The following PIGA variants were observed in gnomAD, a reference collection of about 807,000 sequenced individuals.
PIGA encodes phosphatidylinositol glycan anchor biosynthesis class A, also known as phosphatidylinositol N-acetylglucosaminyltransferase subunit A.
Under a neutral mutation model 17.1 loss-of-function variants are expected in PIGA, and 3 were observed. That is an observed-to-expected ratio of 0.18 (90% confidence interval 0.08 to 0.45). The LOEUF is 0.45. PIGA is among the 20% of genes least tolerant of loss of function. PIGA has a pLI of 0.99. For synonymous variants in PIGA, 126 were observed against 135.1 expected (o/e 0.93, Z 0.47); for missense variants, 231 against 374.1 (o/e 0.62, Z 3.16).
intron 2 of PIGA, among the ~76,000 whole-genome samples, chrX:15,329,833 C>G (rs985531067): frequency 2.7e-5 from 3 of 111,595 alleles, no homozygotes; most frequent in African/African-American, 9.8e-5. Context: ...GCCTGTTAAT[C>G]CCAGCATTTT....
intron 1 of PIGA, among the ~76,000 whole-genome samples, chrX:15,334,862 G>A (rs1922285261): frequency 8.9e-6 from 1 of 112,116 alleles, no homozygotes; most frequent in Non-Finnish European, 1.9e-5. Flanking sequence ...ATGAGGCTTG[G>A]AGCTCTAGTG....
chrX:15,331,845 C>G lies in PIGA; in HGVS notation c.86G>C (p.Arg29Thr). Residue 29 changes from arginine (R) to threonine (T), a missense_variant, in exon 2 of 6, where the codon AGA becomes ACA. By Grantham distance (71) the Arg-to-Thr change is moderately conservative (BLOSUM62 -1). Around this residue, in one of 5 missense-constraint regions of PIGA, gnomAD observed 29 missense variants for 28.1 expected, o/e 1.03. Transcript: ENST00000333590. ...CATGCATATATTATGGGTACGGGTTCTACATGTGTAAAGACTTCCAGGGCT... is the reference window on the plus strand; with the variant it reads ...CATGCATATATTATGGGTACGGGTTGTACATGTGTAAAGACTTCCAGGGCT... ...RVSPGSLYTC[R>T]TRTHNICMVS... 8.3e-7 allele frequency: 1 copy of G among 1,210,207 alleles called. No individual in the cohort carries two copies. The highest frequency in any genetic ancestry group is 3.0e-5 in the East Asian group (1 of 33,801).
At position 15,321,592 on chromosome X, in the gene PIGA, C is replaced by G. The variant is rs1440750558; in HGVS notation, c.1369G>C (p.Ala457Pro). 1 of 1,204,935 alleles carries G rather than the reference C, an allele frequency of 8.3e-7. No individual in the cohort carries two copies. The highest frequency in any genetic ancestry group is 1.7e-5 in the African/African-American group (1 of 57,164). ...GTCCAGGCACCCCGTGGCCCAGTGG[C>G]ATCTATTGCAACATCAATGATAGAA... is the stretch of plus-strand genomic sequence containing the variant. ...PDSIIDVAID[A>P]TGPRGAWTNN... is the part of the protein sequence containing the mutation. The change falls in exon 6 of 6, where the codon GCC (alanine) becomes CCC (proline). Residue 457 changes from alanine (A) to proline (P), a missense_variant. By Grantham distance (27) the Ala-to-Pro change is conservative. Coordinates refer to ENST00000333590, the MANE Select transcript of PIGA (RefSeq NM_002641.4).
chrX:15,334,508 T>C (rs1174291930), intron 1 of PIGA, among the ~76,000 whole-genome samples: 1 of 110,895 alleles, frequency 9.0e-6, no homozygotes, highest in African/African-American at 3.3e-5. Flanking sequence ...ATTTTAAATA[T>C]ACTCTCGGAA....
At position 15,320,397 on chromosome X, in the gene PIGA, A is replaced by G. The variant is rs1921765996; in HGVS notation, c.*1109T>C. The G allele has an allele frequency of 8.9e-6, 1 of 112,316 alleles. No homozygotes were observed. The highest frequency in any genetic ancestry group is 1.9e-5 in the Non-Finnish European group (1 of 53,255). The allele number at this position is 112,316 out of a possible 1,213,427, so 9.3% of individuals were successfully genotyped here. A position where few individuals can be genotyped will look rare whatever the true frequency, so the allele number is the denominator to read the frequency against. ...TGACAGTTAATAACATCCACCCACAAAGACTGTTTCTAAAATTTTCAACTT... is the reference window on the plus strand; with the variant it reads ...TGACAGTTAATAACATCCACCCACAGAGACTGTTTCTAAAATTTTCAACTT... On this transcript the variant is annotated 3_prime_UTR_variant, in exon 6 of 6. Transcript: ENST00000333590.
At position 15,321,420 on chromosome X, in the gene PIGA, CA is replaced by C. The variant is rs202201866; in HGVS notation, c.*85del. ...ACTTACTAAATTAACTCTAAAAAAA[CA>C]AAAACCCCCCAAAAGCAAGGTTATT... On this transcript the variant is annotated 3_prime_UTR_variant, in exon 6 of 6. Transcript: ENST00000333590. The C allele has an allele frequency of 1.3e-3, 1,119 of 867,778 alleles. 16 individuals carry two copies. The African/African-American group carries it at 0.021, about 16-fold the overall frequency. The allele number at this position is 867,778 out of a possible 1,213,427, so 71.5% of individuals were successfully genotyped here. A position where few individuals can be genotyped will look rare whatever the true frequency, so the allele number is the denominator to read the frequency against.
In PIGA at chrX:15,321,393, T is replaced by C. The variant is rs1024326491; in HGVS notation, c.*113A>G. On this transcript the variant is annotated 3_prime_UTR_variant, in exon 6 of 6. Transcript: ENST00000333590. ...AATATTGAATGATATAGAGGTAGCATAACTTACTAAATTAACTCTAAAAAA... is the reference window on the plus strand; with the variant it reads ...AATATTGAATGATATAGAGGTAGCACAACTTACTAAATTAACTCTAAAAAA... 4.6e-5 allele frequency: 27 copies of C among 587,768 alleles called. No homozygotes were observed. The highest frequency in any genetic ancestry group is 1.4e-4 in the African/African-American group (6 of 43,514). 48.4% of individuals were successfully genotyped at this position (587,768 alleles called of 1,213,427 possible).
intron 1 of PIGA, 132 bp downstream of exon 1, chrX:15,335,369 G>T: frequency 1.7e-6 from 1 of 576,851 alleles, no homozygotes; most frequent in Non-Finnish European, 2.4e-6. Context: ...GAGACCCTCC[G>T]ACCCAACTTC....
chrX:15,333,252 C>G (rs1922220379), intron 1 of PIGA, among the ~76,000 whole-genome samples: 1 of 112,480 alleles, frequency 8.9e-6, no homozygotes, highest in Non-Finnish European at 1.9e-5. Context: ...CAATTACTCT[C>G]AAAGTTTTGC....
At position 15,331,587 on chromosome X, in the gene PIGA, T is replaced by A; in HGVS notation, c.344A>T (p.Tyr115Phe). The change falls in exon 2 of 6, where the codon TAC becomes TTC. Residue 115 changes from tyrosine (Y) to phenylalanine (F), a missense_variant. Physicochemically the swap from Tyr to Phe is conservative, Grantham distance 22 (BLOSUM62 3). This residue lies in a region of PIGA where 83 missense variants were observed against 190.1 expected (regional missense o/e 0.44). Coordinates refer to ENST00000333590, the MANE Select transcript of PIGA (RefSeq NM_002641.4). ...TLFHSLPLLRYIFVRERVTII... is the reference protein window; with the variant it reads ...TLFHSLPLLRFIFVRERVTII... ...CGTGACTCTCTCCCGAACAAATATGTACCTGAGCAATGGCAGACTGTGAAA... is the reference window on the plus strand; with the variant it reads ...CGTGACTCTCTCCCGAACAAATATGAACCTGAGCAATGGCAGACTGTGAAA... The A allele has an allele frequency of 8.3e-7, 1 of 1,211,759 alleles. No homozygotes were observed. Among genetic ancestry groups the A allele is most frequent in the East Asian group, 3.0e-5 (1 of 33,868 alleles).
Position 15,321,370 on chromosome X carries a change from T to G in PIGA, c.*136A>C. Reference sequence around the variant, plus strand: ...ATTTTTATCTTTCCTCAACAGAAAATATTGAATGATATAGAGGTAGCATAA... The same window carrying G: ...ATTTTTATCTTTCCTCAACAGAAAAGATTGAATGATATAGAGGTAGCATAA... On this transcript the variant is annotated 3_prime_UTR_variant, in exon 6 of 6. Coordinates refer to ENST00000333590, the MANE Select transcript of PIGA (RefSeq NM_002641.4). 2.1e-6 allele frequency: 1 copy of G among 487,001 alleles called. No individual in the cohort carries two copies. The highest frequency in any genetic ancestry group is 3.4e-5 in the East Asian group (1 of 29,006). 40.1% of individuals were successfully genotyped at this position (487,001 alleles called of 1,213,427 possible).
intron 2 of PIGA, chrX:15,329,063 C>T (rs1031959418): frequency 1.8e-5 from 2 of 111,950 alleles, no homozygotes; most frequent in Non-Finnish European, 3.8e-5. Context: ...CTTAAATGGA[C>T]TGCTGGGTCA....
chrX:15,334,084 C>T (rs771188329), intron 1 of PIGA, among the ~76,000 whole-genome samples: 17 of 111,066 alleles, frequency 1.5e-4, no homozygotes, highest in Non-Finnish European at 3.0e-4. Context: ...AGAAGCCATC[C>T]TAAAGCTCTG....
intron 3 of PIGA, 157 bp downstream of exon 3, chrX:15,325,757 A>G: frequency 2.9e-6 from 1 of 343,062 alleles, no homozygotes; most frequent in Non-Finnish European, 4.9e-6. Flanking sequence ...TATTTATATA[A>G]AAATTTTGAA....
At chrX:15,324,124 G>A (rs749940563) in intron 5 of PIGA, among the ~76,000 whole-genome samples, 9 of 111,973 alleles carry the variant, frequency 8.0e-5, no homozygotes, top group Middle Eastern at 4.6e-3. Flanking sequence ...TTTTTCCCAC[G>A]TTTGTCACGT....
intron 2 of PIGA, chrX:15,328,921 A>G (rs1187091611): frequency 8.9e-6 from 1 of 112,432 alleles, no homozygotes; most frequent in African/African-American, 3.2e-5. Flanking sequence ...AAAACACATC[A>G]CTAATGTCCC....
chrX:15,333,613 C>T (rs753582028), intron 1 of PIGA, among the ~76,000 whole-genome samples: 14 of 111,873 alleles, frequency 1.3e-4, no homozygotes, highest in East Asian at 2.8e-4. Flanking sequence ...CCCGGGAGTC[C>T]GAAGTTGCAG....
chrX:15,330,059 CG>C (rs1001680498), intron 2 of PIGA, among the ~76,000 whole-genome samples: 1 of 104,986 alleles, frequency 9.5e-6, no homozygotes, highest in Non-Finnish European at 2.0e-5. Context: ...CACTCCAGCC[CG>C]GGGGGTGACA....
chrX:15,326,039 A>G lies in PIGA; in HGVS notation c.723T>C (p.Asp241=). 1 of 1,132,426 alleles carries G rather than the reference A, an allele frequency of 8.8e-7. No homozygotes were observed. Among genetic ancestry groups the G allele is most frequent in the Non-Finnish European group, 1.2e-6 (1 of 836,765 alleles). 93.3% of individuals were successfully genotyped at this position (1,132,426 alleles called of 1,213,427 possible). A position where few individuals can be genotyped will look rare whatever the true frequency, so the allele number is the denominator to read the frequency against. ...VSRLVYRKGI[D]LLSGIIPELC... is the part of the protein sequence containing the mutation. ...GTTCAGGTATTATACCACTAAGCAA[A>G]TCGATCCCTGAAAATATAAAGTTGA... Residue 241 remains aspartate (D), a synonymous_variant, in exon 3 of 6, where the codon GAT becomes GAC. Transcript: ENST00000333590.
Sources: gnomAD v4.1 joint callset for allele counts (sites outside exome capture counted in the v4.1 genomes callset) on GRCh38, gnomAD v4.1.1 for gene constraint, gnomAD v4.1.1 regional missense constraint, MANE v1.5 for transcripts, NCBI Gene and HGNC (gene_info 2026-07-23, HGNC 2026-07-21) for gene names.